Variants in ANKRD44 observed in about 807,000 individuals in gnomAD.
The protein encoded by ANKRD44 is serine/threonine-protein phosphatase 6 regulatory ankyrin repeat subunit B.
In ANKRD44, 35 loss-of-function variants were observed where a neutral mutation model predicts 116.0. That is an observed-to-expected ratio of 0.30 (90% CI 0.23 to 0.40). ANKRD44 has a LOEUF of 0.40. Among genes scored for constraint, ANKRD44 ranks in the 10% least tolerant of loss-of-function variants. The pLI is 1.00. For missense variants in ANKRD44, 1,014 were observed against 1,242.6 expected (o/e 0.82, Z 2.77); for synonymous variants, 435 against 461.8 (o/e 0.94, Z 0.74).
At chr2:197,191,777 G>A (rs115432784) in intron 1 of ANKRD44, among the ~76,000 whole-genome samples, 2,728 of 152,186 alleles carry the variant, frequency 0.018, 42 homozygotes, top group Middle Eastern at 0.044. Context: ...TTAGTCATAA[G>A]TAAACATGCA....
At chr2:197,125,629 G>A (rs918403643) in intron 5 of ANKRD44, among the ~76,000 whole-genome samples, 161 bp from the exon 6 acceptor site, 1 of 152,226 alleles carries the variant, frequency 6.6e-6, no homozygotes, top group African/African-American at 2.4e-5. Context: ...CAGGACATGT[G>A]TCATGTGTGT....
At chr2:196,999,093 C>T in intron 23 of ANKRD44, 41 bp from the exon 24 acceptor site, 1 of 1,604,872 alleles carries the variant, frequency 6.2e-7, no homozygotes, top group Middle Eastern at 1.7e-4. Flanking sequence ...TTCCTTTAAA[C>T]TTTATTCTCG....
intron 8 of ANKRD44, among the ~76,000 whole-genome samples, chr2:197,111,931 T>C (rs1490888043): frequency 6.6e-6 from 1 of 152,192 alleles, no homozygotes; most frequent in African/African-American, 2.4e-5. Context: ...TGAATTCATA[T>C]ATTTGTTACT....
chr2:196,968,898 G>T (rs1397648934), intron 21 of ANKRD44, among the ~76,000 whole-genome samples: 2 of 152,182 alleles, frequency 1.3e-5, no homozygotes, highest in African/African-American at 4.8e-5. Flanking sequence ...TGCTGGCCTG[G>T]CTTCAAGGAC....
At chr2:197,098,177 T>A (rs1405134065) in intron 10 of ANKRD44, among the ~76,000 whole-genome samples, 1 of 152,168 alleles carries the variant, frequency 6.6e-6, no homozygotes, top group Non-Finnish European at 1.5e-5. Context: ...CAAACATCCA[T>A]CTTAACAAAT....
At chr2:197,112,880 C>A (rs1326746805) in intron 8 of ANKRD44, among the ~76,000 whole-genome samples, 3 of 151,212 alleles carry the variant, frequency 2.0e-5, no homozygotes, top group Non-Finnish European at 2.9e-5. Flanking sequence ...TTAACACAAG[C>A]ATTTTATTAT....
At chr2:197,008,741 A>G (rs2076243753) in intron 19 of ANKRD44, among the ~76,000 whole-genome samples, 1 of 152,230 alleles carries the variant, frequency 6.6e-6, no homozygotes, top group Admixed American at 6.5e-5. Flanking sequence ...CCTTTCATCA[A>G]GACATGTGCA....
At chr2:197,236,658 A>T (rs1214664159) in intron 1 of ANKRD44, among the ~76,000 whole-genome samples, 1 of 151,482 alleles carries the variant, frequency 6.6e-6, no homozygotes, top group African/African-American at 2.4e-5. Context: ...ATTTAATGCA[A>T]AAATAGTCTC....
downstream of ANKRD44, among the ~76,000 whole-genome samples, chr2:196,982,740 G>A (rs1229314796): frequency 2.0e-5 from 3 of 152,164 alleles, no homozygotes; most frequent in Admixed American, 2.0e-4. Flanking sequence ...TTGGTCACTA[G>A]GGTTTCTCTC....
At chr2:197,057,002 C>T (rs1227507445) in intron 16 of ANKRD44, among the ~76,000 whole-genome samples, 1 of 152,164 alleles carries the variant, frequency 6.6e-6, no homozygotes, top group Admixed American at 6.5e-5. Flanking sequence ...TTTTTGTCTT[C>T]CTCTATTGCA....
chr2:197,180,465 A>C (rs2080476208), intron 2 of ANKRD44, among the ~76,000 whole-genome samples: 1 of 152,158 alleles, frequency 6.6e-6, no homozygotes, highest in African/African-American at 2.4e-5. Flanking sequence ...TCTATCATTT[A>C]TGGGACCTGA....
intron 4 of ANKRD44, among the ~76,000 whole-genome samples, chr2:197,127,664 T>G (rs1356489649): frequency 1.3e-5 from 2 of 152,218 alleles, no homozygotes; most frequent in African/African-American, 4.8e-5. Context: ...TGTTAAATTT[T>G]TTTTAATCAA....
intron 1 of ANKRD44, among the ~76,000 whole-genome samples, chr2:197,297,544 G>A (rs1478908538): frequency 5.3e-5 from 8 of 152,194 alleles, no homozygotes; most frequent in East Asian, 1.9e-4. Context: ...CAACTTCCCC[G>A]TAAAGCAAGT....
chr2:197,093,048 C>T (rs2078077630), intron 10 of ANKRD44, among the ~76,000 whole-genome samples: 1 of 151,884 alleles, frequency 6.6e-6, no homozygotes, highest in African/African-American at 2.4e-5. Context: ...GAATCAAGGA[C>T]TGGATTTCTC....
chr2:197,282,611 TA>T (rs770193871), intron 1 of ANKRD44, among the ~76,000 whole-genome samples: 5 of 152,182 alleles, frequency 3.3e-5, no homozygotes, highest in East Asian at 3.9e-4. Flanking sequence ...GATTTTATTT[TA>T]TTTTTTTGAG....
intron 1 of ANKRD44, among the ~76,000 whole-genome samples, chr2:197,260,480 CGTT>C (rs565263408): frequency 1.5e-3 from 224 of 152,224 alleles, no homozygotes; most frequent in South Asian, 3.5e-3. Context: ...TCCAGTCTAT[CGTT>C]GTTGGACATT....
intron 3 of ANKRD44, among the ~76,000 whole-genome samples, chr2:197,138,558 C>T (rs182859244): frequency 6.6e-6 from 1 of 152,350 alleles, no homozygotes; most frequent in Admixed American, 6.5e-5. Context: ...CAAAGTCTAC[C>T]TTTCTGGTTT....
intron 1 of ANKRD44, among the ~76,000 whole-genome samples, chr2:197,282,331 T>G (rs1370930601): frequency 6.6e-6 from 1 of 152,050 alleles, no homozygotes; most frequent in Non-Finnish European, 1.5e-5. Context: ...TCTTGGAGTC[T>G]TTGGAGAAAG....
intron 15 of ANKRD44, among the ~76,000 whole-genome samples, chr2:197,080,632 T>C (rs554605587): frequency 3.3e-5 from 5 of 152,242 alleles, no homozygotes; most frequent in African/African-American, 1.2e-4. Flanking sequence ...GTCATTCTAT[T>C]TTATTCACTG....
Sources: gnomAD v4.1 joint callset for allele counts (sites outside exome capture counted in the v4.1 genomes callset) on GRCh38, gnomAD v4.1.1 for gene constraint, MANE v1.5 for transcripts, NCBI Gene and HGNC (gene_info 2026-07-23, HGNC 2026-07-21) for gene names.